CACNA1C: variants seen among roughly 807,000 people sequenced by gnomAD.
CACNA1C encodes voltage-dependent L-type calcium channel subunit alpha-1C.
A neutral mutation model predicts 229.0 loss-of-function variants in CACNA1C; 30 were observed. That is an observed-to-expected ratio of 0.13 (90% confidence interval 0.10 to 0.18). The LOEUF is 0.18. Among genes scored for constraint, CACNA1C ranks in the 10% least tolerant of loss-of-function variants. The pLI is 1.00. For missense variants in CACNA1C, 1,658 were observed against 2,845.0 expected (o/e 0.58, Z 9.49); for synonymous variants, 1,114 against 1,132.5 (o/e 0.98, Z 0.33).
intron 1 of CACNA1C, among the ~76,000 whole-genome samples, chr12:2,003,432 T>C (rs2042643674): frequency 6.6e-6 from 1 of 152,232 alleles, no homozygotes; most frequent in African/African-American, 2.4e-5. Flanking sequence ...GGATGATGAA[T>C]ATTATTTGGA....
At chr12:2,279,810 G>A (rs905247514) in intron 3 of CACNA1C, among the ~76,000 whole-genome samples, 3 of 152,212 alleles carry the variant, frequency 2.0e-5, no homozygotes, top group African/African-American at 7.2e-5. Context: ...GTTTTTATAA[G>A]TAATCTAGAG....
chr12:2,667,332 T>TCTCCCTCCTCTCCACCA (rs1569149779), intron 37 of CACNA1C, among the ~76,000 whole-genome samples: 10 of 151,998 alleles, frequency 6.6e-5, no homozygotes, highest in South Asian at 2.1e-4. Context: ...GTGCTCCTTG[T>TCTCCCTCCTCTCCACCA]TGGGGCAATA....
intron 9 of CACNA1C, among the ~76,000 whole-genome samples, chr12:2,517,313 C>T (rs1437294114): frequency 6.6e-6 from 1 of 152,214 alleles, no homozygotes; most frequent in Admixed American, 6.5e-5. Context: ...CATCAGGAAA[C>T]CAGAAAGAGG....
chr12:2,543,179 C>G (rs2099875505), intron 9 of CACNA1C, among the ~76,000 whole-genome samples: 1 of 152,184 alleles, frequency 6.6e-6, no homozygotes, highest in African/African-American at 2.4e-5. Context: ...AAACAAGCTT[C>G]CTGTATAGCT....
intron 1 of CACNA1C, chr12:2,004,122 C>G: frequency 1.9e-6 from 2 of 1,041,274 alleles, no homozygotes; most frequent in Non-Finnish European, 2.8e-6. Flanking sequence ...CCCAAACCCC[C>G]GAGACCCCAT....
At position 2,679,082 on chromosome 12, in the gene CACNA1C, C is replaced by T. The variant is rs151022253; in HGVS notation, c.5092-362C>T. 6.6e-6 allele frequency among the ~76,000 whole-genome samples: 1 copy of T among 152,310 alleles called. No individual in the cohort carries two copies. Among genetic ancestry groups the T allele is most frequent in the Non-Finnish European group, 1.5e-5 (1 of 68,022 alleles). On this transcript the variant is annotated intron_variant, in intron 41 of 46. Coordinates refer to ENST00000399655, the MANE Select transcript of CACNA1C (RefSeq NM_000719.7). The surrounding 1 kb of genome is among the most constrained non-coding windows in gnomAD (Gnocchi z 5.5). ...GTGTGCTGGCTGCTCTTAGGGACCA[C>T]CATCCTAGACGTGCCCTGGAAACTC...
intron 3 of CACNA1C, among the ~76,000 whole-genome samples, chr12:2,429,492 C>T (rs952892270): frequency 4.6e-5 from 7 of 152,128 alleles, no homozygotes. Flanking sequence ...TAGGTATAAG[C>T]CCAGTCTCCA....
chr12:2,437,948 T>C (rs141013692), intron 3 of CACNA1C, among the ~76,000 whole-genome samples: 1 of 142,772 alleles, frequency 7.0e-6, no homozygotes, highest in African/African-American at 2.7e-5. Flanking sequence ...GGAGTGGTGG[T>C]GGTGGTGATG....
chr12:2,465,543 AC>A (rs901013149), intron 5 of CACNA1C, among the ~76,000 whole-genome samples: 3 of 152,136 alleles, frequency 2.0e-5, no homozygotes, highest in African/African-American at 7.2e-5. Flanking sequence ...GGGTGCCCAA[AC>A]CCATTACCGA....
intron 1 of CACNA1C, among the ~76,000 whole-genome samples, chr12:2,027,579 C>T (rs745652763): frequency 7.9e-5 from 12 of 152,164 alleles, no homozygotes; most frequent in Non-Finnish European, 1.5e-4. Flanking sequence ...AGCACTGCAG[C>T]AAACTTAAAT....
chr12:1,990,539 G>A (rs1037807658), intron 1 of CACNA1C, among the ~76,000 whole-genome samples: 9 of 151,846 alleles, frequency 5.9e-5, no homozygotes. Context: ...TCAAGAAAGG[G>A]ATTTTTTTTT....
chr12:2,003,098 T>C (rs933028079), intron 1 of CACNA1C, among the ~76,000 whole-genome samples: 1 of 152,212 alleles, frequency 6.6e-6, no homozygotes, highest in Non-Finnish European at 1.5e-5. Context: ...TCCGGCAAAT[T>C]TCCTCCGTTA....
At chr12:2,332,659 A>G (rs951473277) in intron 3 of CACNA1C, among the ~76,000 whole-genome samples, 8 of 152,278 alleles carry the variant, frequency 5.3e-5, no homozygotes, top group East Asian at 3.8e-4. Context: ...ATATTTAACA[A>G]TGGGGGCCTG....
At chr12:2,133,955 G>C (rs1446867159) in intron 3 of CACNA1C, among the ~76,000 whole-genome samples, 10 of 117,000 alleles carry the variant, frequency 8.5e-5, no homozygotes, top group African/African-American at 3.2e-4. Flanking sequence ...CAATTTGTAG[G>C]TCACTCAGGA....
intron 3 of CACNA1C, among the ~76,000 whole-genome samples, chr12:2,153,367 C>T (rs2095390142): frequency 6.6e-6 from 1 of 152,060 alleles, no homozygotes. Context: ...TTTAAAGTGG[C>T]ATTGAGTACA....
intron 3 of CACNA1C, among the ~76,000 whole-genome samples, chr12:2,310,991 C>T (rs957455198): frequency 3.3e-5 from 5 of 152,288 alleles, no homozygotes; most frequent in Non-Finnish European, 5.9e-5. Context: ...CCTGGTCATC[C>T]GTGTAGCATC....
At chr12:2,442,388 A>G (rs1331598082) in intron 3 of CACNA1C, among the ~76,000 whole-genome samples, 1 of 152,178 alleles carries the variant, frequency 6.6e-6, no homozygotes, top group African/African-American at 2.4e-5. Context: ...TAAGAAATGA[A>G]CAGGGAGAGA....
chr12:2,600,919 C>T (rs916300693), intron 21 of CACNA1C, among the ~76,000 whole-genome samples: 1 of 152,190 alleles, frequency 6.6e-6, no homozygotes, highest in Non-Finnish European at 1.5e-5. Flanking sequence ...GAGGTACCCA[C>T]TTGATGCTTA....
Position 2,679,566 on chromosome 12 carries a change from C to A in CACNA1C, c.5214C>A (p.Gly1738=), listed in dbSNP as rs199538058. ...LHINKAGSSQ[G]DTESPSHEKL... is the part of the protein sequence containing the mutation. ...TCAACAAGGCGGGCAGCAGCCAGGG[C>A]GACACTGAGTCGCCATCCCACGAGA... Residue 1738 remains glycine, a synonymous_variant, in exon 42 of 47, where the codon GGC becomes GGA. Transcript: ENST00000399655. This position sits in a 1 kb window ranked among gnomAD's most constrained non-coding sequence, Gnocchi z 5.5. 2,138 of 1,613,558 alleles carry A rather than the reference C, an allele frequency of 1.3e-3. 4 individuals are homozygous for A. Among genetic ancestry groups the A allele is most frequent in the Middle Eastern group, 1.5e-3 (9 of 6,058 alleles).
Sources: gnomAD v4.1 joint callset for allele counts (sites outside exome capture counted in the v4.1 genomes callset) on GRCh38, gnomAD v4.1.1 for gene constraint, Gnocchi (gnomAD v3.1) non-coding constraint, MANE v1.5 for transcripts, NCBI Gene and HGNC (gene_info 2026-07-23, HGNC 2026-07-21) for gene names.